CNOT4: variants seen among roughly 807,000 people sequenced by gnomAD.
CNOT4 encodes CCR4-NOT transcription complex subunit 4.
Under a neutral mutation model 73.8 loss-of-function variants are expected in CNOT4, and 8 were observed. The observed-to-expected ratio is 0.11, with a 90% CI of 0.06 to 0.20. The LOEUF (loss-of-function observed/expected upper bound fraction) is 0.20, where lower values mean the gene tolerates loss of function less well. CNOT4 is among the 10% of genes least tolerant of loss of function. The pLI, the probability that CNOT4 is intolerant of heterozygous loss-of-function variation, is 1.00. For synonymous variants in CNOT4, 293 were observed against 321.1 expected (o/e 0.91, Z 0.94); for missense variants, 564 against 883.4 (o/e 0.64, Z 4.58).
chr7:135,438,446 C>T, intron 1 of CNOT4, 23 bp from the exon 2 acceptor site: 10 of 748,898 alleles, frequency 1.3e-5, no homozygotes, highest in Non-Finnish European at 2.0e-5. Context: ...AAACAAAATA[C>T]ATTGTTTACT....
At chr7:135,422,496 T>G (rs1798247191) in intron 2 of CNOT4, 143 bp from the exon 3 acceptor site, 2 of 543,972 alleles carry the variant, frequency 3.7e-6, no homozygotes, top group South Asian at 3.0e-5. Context: ...TTAAAAAATT[T>G]TTTTATTTAA....
At chr7:135,431,178 C>A (rs944301794) in intron 2 of CNOT4, among the ~76,000 whole-genome samples, 1 of 151,896 alleles carries the variant, frequency 6.6e-6, no homozygotes, top group Non-Finnish European at 1.5e-5. Context: ...GACAGAAGTA[C>A]TGCTTGAGCC....
chr7:135,439,272 C>A (rs753600245), intron 1 of CNOT4, among the ~76,000 whole-genome samples: 1 of 152,032 alleles, frequency 6.6e-6, no homozygotes, highest in Non-Finnish European at 1.5e-5. Context: ...ACCAAAATCA[C>A]GGTGGTAATT....
intron 2 of CNOT4, among the ~76,000 whole-genome samples, chr7:135,422,757 A>C (rs1181735512): frequency 1.3e-5 from 2 of 152,194 alleles, no homozygotes; most frequent in Non-Finnish European, 2.9e-5. Flanking sequence ...TATTTAATGA[A>C]AACCTACTAT....
intron 2 of CNOT4, among the ~76,000 whole-genome samples, chr7:135,423,619 C>T (rs747676595): frequency 1.1e-4 from 17 of 151,950 alleles, no homozygotes; most frequent in Admixed American, 4.6e-4. Flanking sequence ...CCTTTTATTC[C>T]CACTTTCAAT....
At chr7:135,467,242 ACT>A (rs1585689306) in intron 1 of CNOT4, among the ~76,000 whole-genome samples, 1 of 152,140 alleles carries the variant, frequency 6.6e-6, no homozygotes, top group South Asian at 2.1e-4. Context: ...TGTCACCTTC[ACT>A]CTGTTTACAC....
At chr7:135,478,684 C>A (rs1306481193) in intron 1 of CNOT4, among the ~76,000 whole-genome samples, 2 of 152,132 alleles carry the variant, frequency 1.3e-5, no homozygotes, top group African/African-American at 4.8e-5. Context: ...GCCTGGGTGA[C>A]AGAATGAAAC....
rs1435409637 is a variant in CNOT4, at chr7:135,362,628, C to T, written c.*257G>A. The T allele has an allele frequency of 3.0e-4, 172 of 571,066 alleles. No individual in the cohort carries two copies. The highest frequency in any genetic ancestry group is 3.5e-4 in the Non-Finnish European group (111 of 318,590). 35.4% of individuals were successfully genotyped at this position (571,066 alleles called of 1,614,324 possible). A position where few individuals can be genotyped will look rare whatever the true frequency, so the allele number is the denominator to read the frequency against. ...TGAGACTGCCCTTTGATTTTTTTTT[C>T]TCTCCTTAAAAAGGCATTTTTAGAA... is the stretch of plus-strand genomic sequence containing the variant. On this transcript the variant is annotated 3_prime_UTR_variant, in exon 12 of 12. Coordinates refer to ENST00000541284, the MANE Select transcript of CNOT4 (RefSeq NM_001190850.2).
intron 1 of CNOT4, among the ~76,000 whole-genome samples, chr7:135,477,279 G>A (rs1802055182): frequency 6.6e-6 from 1 of 151,852 alleles, no homozygotes; most frequent in Non-Finnish European, 1.5e-5. Flanking sequence ...GGAGGCAGAG[G>A]TTGCAGTGAG....
rs111250545 is a variant in CNOT4 at position 135,432,729 on chromosome 7, C to T, written c.174+5429G>A. Among the ~76,000 whole-genome samples the T allele has an allele frequency of 2.6e-5, 4 of 152,216 alleles. 1 individual carries two copies. The highest frequency in any genetic ancestry group is 9.6e-5 in the African/African-American group (4 of 41,518). ...TCCAATAGATTCCTGGGAGAGAATG[C>T]ATGGAAGGTAAAAAAATTTTGAGGC... On this transcript the variant is annotated intron_variant, in intron 2 of 11. Transcript: ENST00000541284.
intron 1 of CNOT4, among the ~76,000 whole-genome samples, chr7:135,473,861 G>C (rs748959018): frequency 6.6e-6 from 1 of 152,098 alleles, no homozygotes; most frequent in Non-Finnish European, 1.5e-5. Flanking sequence ...ATAAGACAAA[G>C]GAACAAACTC....
At chr7:135,415,837 A>G (rs527681111) in intron 3 of CNOT4, among the ~76,000 whole-genome samples, 12 of 152,046 alleles carry the variant, frequency 7.9e-5, no homozygotes, top group Admixed American at 3.9e-4. Context: ...AATCAGTTTT[A>G]CCATTTCTCA....
chr7:135,388,740 C>A, intron 10 of CNOT4: 1 of 1,570,344 alleles, frequency 6.4e-7, no homozygotes, highest in Non-Finnish European at 8.7e-7. Context: ...ATGCAAAAAT[C>A]CAGTTGCCCA....
intron 7 of CNOT4, among the ~76,000 whole-genome samples, chr7:135,400,948 T>C (rs1796971476): frequency 6.6e-6 from 1 of 152,222 alleles, no homozygotes; most frequent in African/African-American, 2.4e-5. Context: ...ATGTGGACTA[T>C]AACAAGTCAA....
At chr7:135,497,340 C>T (rs567552254) in intron 1 of CNOT4, among the ~76,000 whole-genome samples, 106 of 152,096 alleles carry the variant, frequency 7.0e-4, no homozygotes, top group Non-Finnish European at 1.1e-3. Flanking sequence ...ACCCAGGAGG[C>T]GGAGGTTGTG....
chr7:135,500,137 A>T (rs1390886578), intron 1 of CNOT4, among the ~76,000 whole-genome samples: 1 of 152,186 alleles, frequency 6.6e-6, no homozygotes, highest in Non-Finnish European at 1.5e-5. Context: ...TTATAATAAC[A>T]ATAAAGAAAA....
At position 135,445,159 on chromosome 7, in the gene CNOT4, G is replaced by C. The variant is rs190909332; in HGVS notation, c.-92-6736C>G. Among the ~76,000 whole-genome samples the C allele has an allele frequency of 3.9e-5, 6 of 152,226 alleles. No individual in the cohort carries two copies. In the East Asian group the frequency reaches 5.8e-4, roughly 15 times the overall value. ...AGTTCTGTATTCTGGTGAGTTAATG[G>C]GGTTGCCTCCCAGCTTCTTATAAGA... On this transcript the variant is annotated intron_variant, in intron 1 of 11. Coordinates refer to ENST00000541284, the MANE Select transcript of CNOT4 (RefSeq NM_001190850.2).
At chr7:135,484,067 C>T (rs999595343) in intron 1 of CNOT4, among the ~76,000 whole-genome samples, 3 of 151,894 alleles carry the variant, frequency 2.0e-5, no homozygotes, top group East Asian at 3.9e-4. Context: ...TGGTGGCAGG[C>T]GCCTATAGTA....
intron 1 of CNOT4, among the ~76,000 whole-genome samples, chr7:135,468,974 G>A (rs1801402539): frequency 6.6e-6 from 1 of 152,168 alleles, no homozygotes. Flanking sequence ...GAAGCAGCAT[G>A]TGAAGACCAC....
Sources: allele counts gnomAD v4.1 joint callset (sites outside exome capture counted in the v4.1 genomes callset), GRCh38; gene constraint gnomAD v4.1.1; transcripts MANE v1.5; gene names NCBI Gene and HGNC (gene_info 2026-07-23, HGNC 2026-07-21).